The following GOT1 variants were observed in gnomAD, a reference collection of about 807,000 sequenced individuals.
GOT1 encodes the protein aspartate aminotransferase, cytoplasmic.
GOT1 carries 25 observed loss-of-function variants against 48.2 expected under a neutral mutation model. The ratio of observed to expected loss-of-function variants is 0.52; its 90% CI spans 0.38 to 0.72. The LOEUF (loss-of-function observed/expected upper bound fraction) is 0.72. Among genes scored for constraint, GOT1 ranks in the 30% least tolerant of loss-of-function variants. The pLI, the probability that GOT1 is intolerant of heterozygous loss-of-function variation, is 0.00. For missense variants in GOT1, 380 were observed against 520.1 expected, an observed-to-expected ratio of 0.73 and a Z score of 2.62; for synonymous variants, 188 against 193.8, an observed-to-expected ratio of 0.97 and a Z score of 0.25.
rs774911776 is a variant in GOT1 at position 99,421,697 on chromosome 10, C to T, written c.119-892G>A. Among the ~76,000 whole-genome samples, 9 of 152,112 alleles carry T rather than the reference C, an allele frequency of 5.9e-5. No homozygotes were observed. The South Asian group carries it at 6.2e-4, about 10-fold the overall frequency. ...GGCAGTTACCTTAGCTTTGCACCCA[C>T]GCCAATAATCTGTCCAAGTAGGATT... On this transcript the variant is annotated intron_variant, in intron 1 of 8. Transcript: ENST00000370508.
intron 1 of GOT1, among the ~76,000 whole-genome samples, chr10:99,423,595 A>G (rs2134109391): frequency 6.6e-6 from 1 of 152,262 alleles, no homozygotes; most frequent in Middle Eastern, 3.4e-3. Flanking sequence ...GAATCAAACA[A>G]TACTCTCATA....
intron 2 of GOT1, among the ~76,000 whole-genome samples, chr10:99,418,609 C>T (rs1219692036): frequency 6.6e-6 from 1 of 151,842 alleles, no homozygotes; most frequent in Admixed American, 6.6e-5. Context: ...TCAAGCAATC[C>T]TCCCACCTCA....
intron 8 of GOT1, among the ~76,000 whole-genome samples, chr10:99,399,221 G>A (rs745669397): frequency 3.7e-4 from 56 of 152,268 alleles, no homozygotes; most frequent in Non-Finnish European, 3.2e-4. Flanking sequence ...GAGATTAACT[G>A]AGAGTGTGAT....
chr10:99,411,169 C>A (rs898376940), intron 2 of GOT1, among the ~76,000 whole-genome samples: 13 of 152,216 alleles, frequency 8.5e-5, no homozygotes, highest in Non-Finnish European at 1.9e-4. Context: ...ACAGCAGAAG[C>A]CCCAAGTCGC....
chr10:99,429,594 G>A (rs1228998378), intron 1 of GOT1, among the ~76,000 whole-genome samples: 1 of 152,154 alleles, frequency 6.6e-6, no homozygotes, highest in Non-Finnish European at 1.5e-5. Context: ...TGTCTGTGGG[G>A]CTTCAAACAT....
intron 2 of GOT1, among the ~76,000 whole-genome samples, chr10:99,407,744 T>C (rs1215351288): frequency 6.6e-6 from 1 of 152,022 alleles, no homozygotes. Context: ...CTTCCTCTCA[T>C]CCTAAAGTGA....
In GOT1 at chr10:99,418,494, CT is replaced by C. The variant is rs11394746; in HGVS notation, c.300+2129del. Among the ~76,000 whole-genome samples, 626 of 140,620 alleles carry C rather than the reference CT, an allele frequency of 4.5e-3. 15 individuals carry two copies. In the East Asian group the frequency reaches 0.067, roughly 15 times the overall value. The allele number at this position is 140,620 out of a possible 152,430, so 92.3% of individuals were successfully genotyped here. The stretch of plus-strand genomic sequence containing the variant: ...CCCAGTGGCCTATGTTCCCCACTTT[CT>C]TTTTTTTTTTTTTTCTTTTCTTTTG... On this transcript the variant is annotated intron_variant, in intron 2 of 8. Coordinates refer to ENST00000370508, the MANE Select transcript of GOT1 (RefSeq NM_002079.3).
chr10:99,401,304 A>G (rs537720625), intron 8 of GOT1, among the ~76,000 whole-genome samples: 4 of 152,176 alleles, frequency 2.6e-5, no homozygotes, highest in African/African-American at 9.7e-5. Context: ...ATTTTACCCC[A>G]AAGTATTTTG....
intron 8 of GOT1, among the ~76,000 whole-genome samples, chr10:99,398,075 C>A (rs775011571): frequency 6.6e-6 from 1 of 152,190 alleles, no homozygotes. Flanking sequence ...CCTGGACTTG[C>A]ATTGAGTACC....
intron 8 of GOT1, among the ~76,000 whole-genome samples, chr10:99,399,234 C>CT (rs201274145): frequency 0.014 from 2,191 of 152,232 alleles, 24 homozygotes; most frequent in Non-Finnish European, 0.024. Context: ...AGTGTGATGC[C>CT]TTTAAAGGTC....
At chr10:99,421,000 G>A (rs2032958599) in intron 1 of GOT1, among the ~76,000 whole-genome samples, 195 bp from the exon 2 acceptor site, 1 of 152,166 alleles carries the variant, frequency 6.6e-6, no homozygotes, top group Non-Finnish European at 1.5e-5. Context: ...GCAAACATAA[G>A]GGCAGATGTG....
chr10:99,409,195 C>T (rs530769393), intron 2 of GOT1, among the ~76,000 whole-genome samples: 4 of 151,930 alleles, frequency 2.6e-5, no homozygotes, highest in East Asian at 1.9e-4. Context: ...TGCAGTGGCA[C>T]GATCTTGGCT....
chr10:99,413,320 A>G (rs1357447446), intron 2 of GOT1, among the ~76,000 whole-genome samples: 2 of 152,268 alleles, frequency 1.3e-5, no homozygotes, highest in Non-Finnish European at 2.9e-5. Context: ...CGATTCGATC[A>G]ACTGGAAGAA....
At chr10:99,407,185 G>C (rs1287751453) in intron 2 of GOT1, among the ~76,000 whole-genome samples, 1 of 14,010 alleles carries the variant, frequency 7.1e-5, no homozygotes, top group Non-Finnish European at 3.9e-4. Context: ...CCACATTAGT[G>C]TGTGTGTGTG....
chr10:99,404,806 C>T (rs1007781161), intron 5 of GOT1, among the ~76,000 whole-genome samples: 1 of 152,172 alleles, frequency 6.6e-6, no homozygotes, highest in Non-Finnish European at 1.5e-5. Context: ...TCACTCTAGC[C>T]TCATCACTCA....
chr10:99,416,579 T>A (rs1160438461), intron 2 of GOT1, among the ~76,000 whole-genome samples: 4 of 152,212 alleles, frequency 2.6e-5, no homozygotes. Flanking sequence ...CTTCACGGAA[T>A]TGGGAAAAAC....
intron 8 of GOT1, among the ~76,000 whole-genome samples, chr10:99,398,060 C>G (rs3750897): frequency 0.1 from 15,445 of 152,198 alleles, 1,010 homozygotes; most frequent in Admixed American, 0.21. Context: ...TTAGTTCTTC[C>G]CTAACCTGGA....
intron 1 of GOT1, among the ~76,000 whole-genome samples, chr10:99,423,487 T>C (rs972613900): frequency 6.6e-6 from 1 of 152,198 alleles, no homozygotes; most frequent in African/African-American, 2.4e-5. Context: ...TCCAGGAATA[T>C]GTCATCTGCA....
At position 99,397,358 on chromosome 10, in the gene GOT1, C is replaced by T; in HGVS notation, c.*189G>A. 1 of 644,576 alleles carries T rather than the reference C, an allele frequency of 1.6e-6. No individual in the cohort carries two copies. Among genetic ancestry groups the T allele is most frequent in the South Asian group, 2.1e-5 (1 of 48,384 alleles). The allele number at this position is 644,576 out of a possible 1,614,324, so 39.9% of individuals were successfully genotyped here. ...CTTTGACCTCCAAAGGCTCTAATCC[C>T]AGTCTCCAAATTCGTCTCAAGGGAT... On this transcript the variant is annotated 3_prime_UTR_variant, in exon 9 of 9. Transcript: ENST00000370508. The surrounding 1 kb of genome is among the most constrained non-coding windows in gnomAD (Gnocchi z 5.4).
Sources: gnomAD v4.1 joint callset for allele counts (sites outside exome capture counted in the v4.1 genomes callset) on GRCh38, gnomAD v4.1.1 for gene constraint, Gnocchi (gnomAD v3.1) non-coding constraint, MANE v1.5 for transcripts, NCBI Gene and HGNC (gene_info 2026-07-23, HGNC 2026-07-21) for gene names.